The following HERC1 variants were observed in gnomAD, a reference collection of about 807,000 sequenced individuals.
HERC1 encodes probable E3 ubiquitin-protein ligase HERC1.
HERC1 carries 160 observed loss-of-function variants against 554.3 expected under a neutral mutation model. That is an observed-to-expected ratio of 0.29 (90% CI 0.25 to 0.33). The LOEUF (loss-of-function observed/expected upper bound fraction) is 0.33, where lower values mean the gene tolerates loss of function less well. Among genes scored for constraint, HERC1 ranks in the 10% least tolerant of loss-of-function variants. The pLI is 1.00. For synonymous variants in HERC1, 2,175 were observed against 2,131.7 expected, an observed-to-expected ratio of 1.02 and a Z score of -0.56; for missense variants, 4,919 against 5,918.5, an observed-to-expected ratio of 0.83 and a Z score of 5.54.
At chr15:63,722,610 C>CTCTTGGTTT (rs1365339678) in intron 19 of HERC1, among the ~76,000 whole-genome samples, 1 of 152,132 alleles carries the variant, frequency 6.6e-6, no homozygotes, top group Non-Finnish European at 1.5e-5. Context: ...CTTAGTAACC[C>CTCTTGGTTT]TCTTGGTTTT....
intron 33 of HERC1, 130 bp from the exon 34 acceptor site, chr15:63,686,665 G>A: frequency 1.4e-6 from 1 of 706,974 alleles, no homozygotes; most frequent in Non-Finnish European, 2.3e-6. Context: ...ACTGTGCAGG[G>A]CAACAGGAAC....
At chr15:63,724,048 T>A (rs2073934798) in intron 18 of HERC1, among the ~76,000 whole-genome samples, 1 of 152,208 alleles carries the variant, frequency 6.6e-6, no homozygotes, top group Admixed American at 6.5e-5. Flanking sequence ...TAATACCTTT[T>A]TCTAATACAT....
At position 63,616,482 on chromosome 15, in the gene HERC1, T is replaced by C; in HGVS notation, c.13889A>G (p.Asn4630Ser). The C allele has an allele frequency of 6.2e-7, 1 of 1,614,000 alleles. No individual in the cohort carries two copies. The highest frequency in any genetic ancestry group is 8.5e-7 in the Non-Finnish European group (1 of 1,179,876). Residue 4630 changes from asparagine (N) to serine (S), a missense_variant, in exon 75 of 78, where the codon AAC becomes AGC. Asn to Ser is a conservative substitution (Grantham distance 46, BLOSUM62 1). Coordinates refer to ENST00000443617, the MANE Select transcript of HERC1 (RefSeq NM_003922.4). ...ACTGTCTTCAATGTGAAGAATGCTGTTGAGAGTCTGCACGTAGAGCAGATC... is the reference window on the plus strand; with the variant it reads ...ACTGTCTTCAATGTGAAGAATGCTGCTGAGAGTCTGCACGTAGAGCAGATC... ...EVDLLYVQTL[N>S]SILHIEDSGI... is the part of the protein sequence containing the mutation.
intron 40 of HERC1, among the ~76,000 whole-genome samples, chr15:63,667,603 T>C (rs900130207): frequency 6.6e-6 from 1 of 152,162 alleles, no homozygotes; most frequent in Non-Finnish European, 1.5e-5. Context: ...GTGAAATGTA[T>C]GAAAACAAAA....
intron 17 of HERC1, among the ~76,000 whole-genome samples, chr15:63,726,802 T>C (rs528355630): frequency 8.9e-4 from 135 of 152,190 alleles, no homozygotes; most frequent in Non-Finnish European, 1.7e-3. Context: ...TGAACAGGAA[T>C]AAAAGAAAGT....
At chr15:63,625,839 T>C (rs1050970575) in intron 71 of HERC1, 146 bp downstream of exon 71, 3 of 831,666 alleles carry the variant, frequency 3.6e-6, no homozygotes, top group Admixed American at 2.0e-5. Context: ...AACACAGCAA[T>C]AAAATGGGAA....
intron 57 of HERC1, 104 bp downstream of exon 57, chr15:63,644,888 C>G: frequency 2.5e-6 from 2 of 799,704 alleles, no homozygotes; most frequent in South Asian, 1.7e-5. Flanking sequence ...GGATCTTGCC[C>G]TTTGGGATAT....
chr15:63,776,986 TA>T (rs1246709428), intron 1 of HERC1, among the ~76,000 whole-genome samples: 1 of 152,178 alleles, frequency 6.6e-6, no homozygotes, highest in Non-Finnish European at 1.5e-5. Flanking sequence ...CATTGACATA[TA>T]TTTTTTATAT....
At chr15:63,666,264 C>G (rs2070630823) in intron 41 of HERC1, 92 bp downstream of exon 41, 1 of 1,382,988 alleles carries the variant, frequency 7.2e-7, no homozygotes, top group Non-Finnish European at 1.0e-6. Flanking sequence ...AAAAATCTTA[C>G]CAAGTTTCAT....
chr15:63,736,917 A>G (rs2074530511), intron 12 of HERC1, among the ~76,000 whole-genome samples: 1 of 151,782 alleles, frequency 6.6e-6, no homozygotes, highest in African/African-American at 2.4e-5. Flanking sequence ...ATAGCATCAC[A>G]CTCTTACCCA....
intron 52 of HERC1, among the ~76,000 whole-genome samples, chr15:63,651,961 A>AG (rs1314498543): frequency 6.6e-6 from 1 of 152,154 alleles, no homozygotes; most frequent in Non-Finnish European, 1.5e-5. Context: ...ACTTGAACCC[A>AG]GGAGGCAGAG....
intron 25 of HERC1, among the ~76,000 whole-genome samples, chr15:63,703,170 T>C (rs1029588300): frequency 1.3e-5 from 2 of 150,028 alleles, no homozygotes; most frequent in Non-Finnish European, 3.0e-5. Context: ...CTGAGCAAGG[T>C]GGCTAAATGT....
At position 63,692,539 on chromosome 15, in the gene HERC1, T is replaced by C. The variant is rs777773131; in HGVS notation, c.5702A>G (p.Glu1901Gly). 2 of 1,610,498 alleles carry C rather than the reference T, an allele frequency of 1.2e-6. No homozygotes were observed. The highest frequency in any genetic ancestry group is 1.7e-6 in the Non-Finnish European group (2 of 1,178,896). ...AACTAAAAAATCCCCTAGATGGAGT[T>C]CGGCTGCATGTTGTTTCCTAAGAGC... ...RAALRKQHAA[E>G]LHLGDFLVFL... Residue 1901 changes from glutamate (E) to glycine (G), a missense_variant, in exon 31 of 78, where the codon GAA (glutamate) becomes GGA (glycine). Around this residue, in one of 11 missense-constraint regions of HERC1, gnomAD observed 1,121 missense variants for 1,244.0 expected, o/e 0.90. Coordinates refer to ENST00000443617, the MANE Select transcript of HERC1 (RefSeq NM_003922.4). The surrounding 1 kb of genome is among the most constrained non-coding windows in gnomAD (Gnocchi z 4.7).
intron 60 of HERC1, among the ~76,000 whole-genome samples, chr15:63,640,985 T>C (rs975116655): frequency 6.6e-6 from 1 of 152,204 alleles, no homozygotes; most frequent in Non-Finnish European, 1.5e-5. Flanking sequence ...GTTCAAACGC[T>C]GCAATTCCTC....
At chr15:63,645,408 A>T in intron 56 of HERC1, 75 bp downstream of exon 56, 1 of 1,086,870 alleles carries the variant, frequency 9.2e-7, no homozygotes, top group Non-Finnish European at 1.3e-6. Context: ...GACTACTGAG[A>T]AGCCACACTT....
intron 25 of HERC1, among the ~76,000 whole-genome samples, chr15:63,699,402 A>C (rs2072603301): frequency 6.6e-6 from 1 of 152,258 alleles, no homozygotes; most frequent in Non-Finnish European, 1.5e-5. Flanking sequence ...AAACAGAAAG[A>C]TTTCATCTAA....
intron 59 of HERC1, 64 bp from the exon 60 acceptor site, chr15:63,641,707 T>C: frequency 7.5e-7 from 1 of 1,335,172 alleles, no homozygotes; most frequent in Non-Finnish European, 1.0e-6. Flanking sequence ...GCTATCACCA[T>C]TTAATCTGCG....
intron 19 of HERC1, among the ~76,000 whole-genome samples, chr15:63,722,278 C>T (rs1457981244): frequency 6.6e-6 from 1 of 152,112 alleles, no homozygotes; most frequent in Non-Finnish European, 1.5e-5. Flanking sequence ...GAATCTTCAC[C>T]AGCACTCTAG....
rs902519035 is a variant in HERC1 at position 63,740,395 on chromosome 15, G to A, written c.2521-5546C>T. Among the ~76,000 whole-genome samples, 21 of 152,310 alleles carry A rather than the reference G, an allele frequency of 1.4e-4. No homozygotes were observed. In the South Asian group the frequency reaches 4.4e-3, roughly 32 times the overall value. On this transcript the variant is annotated intron_variant, in intron 12 of 77. Transcript: ENST00000443617. ...AAATAATGCTGTTATTAACATTCAT[G>A]TACAAGTTTTTGTGTGGACATATGT...
Sources: allele counts gnomAD v4.1 joint callset (sites outside exome capture counted in the v4.1 genomes callset), GRCh38; gene constraint gnomAD v4.1.1; regional missense constraint gnomAD v4.1.1; non-coding constraint Gnocchi (gnomAD v3.1); transcripts MANE v1.5; gene names NCBI Gene and HGNC (gene_info 2026-07-23, HGNC 2026-07-21).